The following KCNJ8 variants were observed in gnomAD, a reference collection of about 807,000 sequenced individuals.
The protein encoded by KCNJ8 is ATP-sensitive inward rectifier potassium channel 8.
KCNJ8 carries 13 observed loss-of-function variants against 28.2 expected under a neutral mutation model. That is an observed-to-expected ratio of 0.46 (90% CI 0.30 to 0.73). The LOEUF is 0.73. Among genes scored for constraint, KCNJ8 ranks in the 30% least tolerant of loss-of-function variants. The pLI is 0.07. For synonymous variants in KCNJ8, 188 were observed against 195.9 expected (o/e 0.96, Z 0.34); for missense variants, 284 against 542.6 (o/e 0.52, Z 4.73).
rs776378809 is a variant in KCNJ8 at position 21,765,795 on chromosome 12, G to GT, written c.1202dup (p.Asn401LysfsTer29). 2 of 1,613,992 alleles carry GT rather than the reference G, an allele frequency of 1.2e-6. No individual in the cohort carries two copies. Among genetic ancestry groups the GT allele is most frequent in the South Asian group, 2.2e-5 (2 of 91,084 alleles). On this transcript the variant is annotated frameshift_variant, in exon 3 of 3. Transcript: ENST00000240662. LOFTEE classifies it high-confidence loss of function. ...CCTTTGGTACCATGAGGGAAGAATT[G>GT]TTCCTTCGGATAGAATTGTTCCTCC...
At chr12:21,768,665 A>C (rs1412547570) in intron 2 of KCNJ8, among the ~76,000 whole-genome samples, 1 of 152,248 alleles carries the variant, frequency 6.6e-6, no homozygotes, top group Non-Finnish European at 1.5e-5. Context: ...AAAGTTTTGA[A>C]AAAAATTCAA....
At chr12:21,772,227 A>G (rs1940775831) in intron 2 of KCNJ8, among the ~76,000 whole-genome samples, 1 of 152,234 alleles carries the variant, frequency 6.6e-6, no homozygotes, top group East Asian at 1.9e-4. Flanking sequence ...TCCTGGTATC[A>G]TAATGCTTTT....
chr12:21,769,502 C>T lies in KCNJ8; in HGVS notation c.375-2879G>A, dbSNP rs184097449. Among the ~76,000 whole-genome samples the T allele has an allele frequency of 1.4e-3, 208 of 152,166 alleles. 1 individual carries two copies. The highest frequency in any genetic ancestry group is 2.0e-3 in the Non-Finnish European group (134 of 67,998). On this transcript the variant is annotated intron_variant, in intron 2 of 2. Transcript: ENST00000240662. Reference sequence around the variant, plus strand: ...ACAGCCATGAGTCAGGGAGTAATTTCGACTTTTAAGGCCTATTACTTAAGA... The same window carrying T: ...ACAGCCATGAGTCAGGGAGTAATTTTGACTTTTAAGGCCTATTACTTAAGA...
chr12:21,767,376 A>G (rs114050783), intron 2 of KCNJ8, among the ~76,000 whole-genome samples: 4,272 of 130,848 alleles, frequency 0.033, 222 homozygotes, highest in African/African-American at 0.11. Flanking sequence ...ACTAGGCCAC[A>G]CAGCAGGAGG....
chr12:21,766,738 G>T lies in KCNJ8; in HGVS notation c.375-115C>A. 1.1e-6 allele frequency: 1 copy of T among 885,406 alleles called. No homozygotes were observed. The highest frequency in any genetic ancestry group is 1.8e-6 in the Non-Finnish European group (1 of 555,050). 54.8% of individuals were successfully genotyped at this position (885,406 alleles called of 1,614,324 possible). A position where few individuals can be genotyped will look rare whatever the true frequency, so the allele number is the denominator to read the frequency against. On this transcript the variant is annotated intron_variant, in intron 2 of 2. Transcript: ENST00000240662. This position sits in a 1 kb window ranked among gnomAD's most constrained non-coding sequence, Gnocchi z 6.5. The stretch of plus-strand genomic sequence containing the variant: ...AAAGACTATTAAATGCTTGCAGAAA[G>T]ACTAGCCAACTTAAACTTGTAAAAT...
intron 2 of KCNJ8, among the ~76,000 whole-genome samples, chr12:21,768,828 C>A (rs1347663023): frequency 1.3e-5 from 2 of 152,160 alleles, no homozygotes; most frequent in Admixed American, 6.5e-5. Context: ...TAACTCTCTT[C>A]ATTTCTATGA....
Position 21,773,742 on chromosome 12 carries a change from T to G in KCNJ8, c.-70-56A>C, listed in dbSNP as rs1940817761. ...AAAAACCCACCCTATCCTCACCTCT[T>G]GGGTCCTTGTATTCAAGGATATGTC... On this transcript the variant is annotated intron_variant, in intron 1 of 2. Transcript: ENST00000240662. The surrounding 1 kb of genome is among the most constrained non-coding windows in gnomAD (Gnocchi z 4.6). The G allele has an allele frequency of 3.8e-6, 5 of 1,307,176 alleles. No homozygotes were observed. In the African/African-American group the frequency reaches 5.8e-5, roughly 15 times the overall value. 81.0% of individuals were successfully genotyped at this position (1,307,176 alleles called of 1,614,324 possible).
At chr12:21,769,914 CTT>C (rs1940718705) in intron 2 of KCNJ8, among the ~76,000 whole-genome samples, 1 of 152,168 alleles carries the variant, frequency 6.6e-6, no homozygotes, top group African/African-American at 2.4e-5. Flanking sequence ...GGAATCTACT[CTT>C]GGTGAAGATG....
Position 21,765,768 on chromosome 12 carries a change from C to T in KCNJ8, c.1230G>A (p.Val410=), listed in dbSNP as rs778285174. 5 of 1,614,132 alleles carry T rather than the reference C, an allele frequency of 3.1e-6. No homozygotes were observed. Among genetic ancestry groups the T allele is most frequent in the Non-Finnish European group, 2.5e-6 (3 of 1,179,968 alleles). Residue 410 remains valine (V), a synonymous_variant, in exon 3 of 3, where the codon GTG becomes GTA. Transcript: ENST00000240662. ...GATTTCCTTCTGGAGTCATAAATTGCACCTTTGGTACCATGAGGGAAGAAT... is the reference window on the plus strand; with the variant it reads ...GATTTCCTTCTGGAGTCATAAATTGTACCTTTGGTACCATGAGGGAAGAAT... ...RNNSSLMVPK[V]QFMTPEGNQN...
Position 21,773,623 on chromosome 12 carries a change from G to T in KCNJ8, c.-7C>A. 6.2e-7 allele frequency: 1 copy of T among 1,611,820 alleles called. No homozygotes were observed. The highest frequency in any genetic ancestry group is 8.5e-7 in the Non-Finnish European group (1 of 1,180,016). ...TACTCTTTCTGGCCAACATCGTCCT[G>T]TCACCATAGCCAGCTTAGCCACCTC... On this transcript the variant is annotated 5_prime_UTR_variant, in exon 2 of 3. Coordinates refer to ENST00000240662, the MANE Select transcript of KCNJ8 (RefSeq NM_004982.4). The surrounding 1 kb of genome is among the most constrained non-coding windows in gnomAD (Gnocchi z 4.6).
At chr12:21,769,508 T>C (rs939457068) in intron 2 of KCNJ8, among the ~76,000 whole-genome samples, 3 of 152,164 alleles carry the variant, frequency 2.0e-5, no homozygotes, top group South Asian at 2.1e-4. Flanking sequence ...ATTTCGACTT[T>C]TAAGGCCTAT....
chr12:21,769,464 C>A (rs1438784091), intron 2 of KCNJ8, among the ~76,000 whole-genome samples: 2 of 152,188 alleles, frequency 1.3e-5, no homozygotes, highest in African/African-American at 4.8e-5. Context: ...CTTATTAACA[C>A]AACATCCATT....
At position 21,773,531 on chromosome 12, in the gene KCNJ8, T is replaced by G; in HGVS notation, c.86A>C (p.Asp29Ala). ...GATGAAGCGGGCTTTGGGGAGGCGG[T>G]CTCGGATGCGCGGCTTGCGCAGGTT... ...AENLRKPRIR[D>A]RLPKARFIAK... The change falls in exon 2 of 3, where the codon GAC (aspartate) becomes GCC (alanine). Residue 29 changes from aspartate to alanine, a missense_variant. By Grantham distance (126) the Asp-to-Ala change is moderately radical (BLOSUM62 -2). Coordinates refer to ENST00000240662, the MANE Select transcript of KCNJ8 (RefSeq NM_004982.4). This position sits in a 1 kb window ranked among gnomAD's most constrained non-coding sequence, Gnocchi z 4.6. The G allele has an allele frequency of 6.2e-7, 1 of 1,614,198 alleles. No individual in the cohort carries two copies. The highest frequency in any genetic ancestry group is 1.7e-5 in the Admixed American group (1 of 60,022).
In KCNJ8 at chr12:21,773,194, T is replaced by C. The variant is rs962493100; in HGVS notation, c.374+49A>G. ...TGATAAGAGAAAGGGCATTTTGACA[T>C]TTTTTCTCTACTGTTTTCAACCCCT... On this transcript the variant is annotated intron_variant, in intron 2 of 2. Transcript: ENST00000240662. The surrounding 1 kb of genome is among the most constrained non-coding windows in gnomAD (Gnocchi z 4.6). 1 of 1,596,376 alleles carries C rather than the reference T, an allele frequency of 6.3e-7. No homozygotes were observed. Among genetic ancestry groups the C allele is most frequent in the South Asian group, 1.1e-5 (1 of 90,180 alleles).
chr12:21,771,692 T>A (rs1210886279), intron 2 of KCNJ8, among the ~76,000 whole-genome samples: 1 of 152,206 alleles, frequency 6.6e-6, no homozygotes, highest in Non-Finnish European at 1.5e-5. Context: ...ATTTTTAAGG[T>A]TTGCTGTTAC....
At position 21,765,882 on chromosome 12, in the gene KCNJ8, A is replaced by C; in HGVS notation, c.1116T>G (p.Ser372Arg). 6.2e-7 allele frequency: 1 copy of C among 1,614,072 alleles called. No individual in the cohort carries two copies. Among genetic ancestry groups the C allele is most frequent in the Non-Finnish European group, 8.5e-7 (1 of 1,180,028 alleles). ...TCAGAGAATTTTGATGAGACAGTTCACTCTTTTGGAGGGTCTGAATAAGGA... is the reference window on the plus strand; with the variant it reads ...TCAGAGAATTTTGATGAGACAGTTCCCTCTTTTGGAGGGTCTGAATAAGGA... ...PSILIQTLQKSELSHQNSLRK... is the reference protein window; with the variant it reads ...PSILIQTLQKRELSHQNSLRK... The change falls in exon 3 of 3, where the codon AGT becomes AGG. Residue 372 changes from serine to arginine, a missense_variant. This residue lies in a region of KCNJ8 where 107 missense variants were observed against 235.6 expected (regional missense o/e 0.45). Coordinates refer to ENST00000240662, the MANE Select transcript of KCNJ8 (RefSeq NM_004982.4).
At chr12:21,769,627 T>C (rs1940710975) in intron 2 of KCNJ8, among the ~76,000 whole-genome samples, 1 of 152,202 alleles carries the variant, frequency 6.6e-6, no homozygotes, top group Non-Finnish European at 1.5e-5. Flanking sequence ...TTCACCATTC[T>C]AGATGCCATT....
At chr12:21,772,197 A>T (rs1485318269) in intron 2 of KCNJ8, among the ~76,000 whole-genome samples, 1 of 152,200 alleles carries the variant, frequency 6.6e-6, no homozygotes, top group Non-Finnish European at 1.5e-5. Flanking sequence ...GGGTCACTAG[A>T]GGTCCCATTC....
chr12:21,773,676 C>T lies in KCNJ8; in HGVS notation c.-60G>A, dbSNP rs1940815599. Reference sequence around the variant, plus strand: ...TCTCACCTGCCTCTCCGTCCCTGGACACCCGTCCTCCTGCACGAGGGAAAC... The same window carrying T: ...TCTCACCTGCCTCTCCGTCCCTGGATACCCGTCCTCCTGCACGAGGGAAAC... On this transcript the variant is annotated 5_prime_UTR_variant, in exon 2 of 3. Coordinates refer to ENST00000240662, the MANE Select transcript of KCNJ8 (RefSeq NM_004982.4). The surrounding 1 kb of genome is among the most constrained non-coding windows in gnomAD (Gnocchi z 4.6). 6 of 1,602,730 alleles carry T rather than the reference C, an allele frequency of 3.7e-6. No homozygotes were observed. The Admixed American group carries it at 6.7e-5, about 18-fold the overall frequency.
Sources: allele counts gnomAD v4.1 joint callset (sites outside exome capture counted in the v4.1 genomes callset), GRCh38; gene constraint gnomAD v4.1.1; regional missense constraint gnomAD v4.1.1; non-coding constraint Gnocchi (gnomAD v3.1); transcripts MANE v1.5; gene names NCBI Gene and HGNC (gene_info 2026-07-23, HGNC 2026-07-21).